The following GLOD4 variants were observed in gnomAD, a reference collection of about 807,000 sequenced individuals.
GLOD4 encodes the protein glyoxalase domain-containing protein 4.
In GLOD4, 44 loss-of-function variants were observed where a neutral mutation model predicts 39.1. That is an observed-to-expected ratio of 1.13 (90% CI 0.88 to 1.45). GLOD4 has a LOEUF of 1.45. Ranked by LOEUF, GLOD4 falls within the 40% of genes most tolerant of loss-of-function variation. The pLI is 0.00. For synonymous variants in GLOD4, 145 were observed against 135.0 expected, an observed-to-expected ratio of 1.07 and a Z score of -0.52; for missense variants, 405 against 366.4, an observed-to-expected ratio of 1.11 and a Z score of -0.86.
intron 1 of GLOD4, 140 bp from the exon 2 acceptor site, chr17:778,884 A>G: frequency 1.6e-6 from 1 of 606,652 alleles, no homozygotes; most frequent in Non-Finnish European, 2.9e-6. Flanking sequence ...TGAGCTTTAC[A>G]CTTCTCCCAG....
intron 3 of GLOD4, among the ~76,000 whole-genome samples, chr17:776,604 C>T (rs756404518): frequency 3.3e-5 from 5 of 152,210 alleles, no homozygotes; most frequent in Non-Finnish European, 7.3e-5. Flanking sequence ...TCTTACCACG[C>T]TCCCCTCTCG....
At chr17:771,989 G>C (rs1181217028) in intron 4 of GLOD4, among the ~76,000 whole-genome samples, 1 of 145,502 alleles carries the variant, frequency 6.9e-6, no homozygotes, top group Non-Finnish European at 1.5e-5. Context: ...CTCTAGCCTG[G>C]GAGACAAGAG....
chr17:783,429 C>T (rs1910338514), upstream of GLOD4: 2 of 1,200,456 alleles, frequency 1.7e-6, no homozygotes, highest in South Asian at 1.6e-5. Flanking sequence ...CTCCGCCTCT[C>T]GGGTTCAAGG....
At chr17:779,754 G>A (rs1285613189) in intron 1 of GLOD4, among the ~76,000 whole-genome samples, 1 of 152,164 alleles carries the variant, frequency 6.6e-6, no homozygotes, top group African/African-American at 2.4e-5. Flanking sequence ...TGTTATGAAA[G>A]CATCTCACAG....
chr17:782,658 T>A, upstream of GLOD4: 11 of 1,612,274 alleles, frequency 6.8e-6, no homozygotes, highest in Non-Finnish European at 9.3e-6. Flanking sequence ...TGGGCTTCGC[T>A]ACGATAAAGC....
At chr17:760,389 T>TA (rs1325438450) in intron 8 of GLOD4, 151 bp from the exon 9 acceptor site, 3 of 590,996 alleles carry the variant, frequency 5.1e-6, no homozygotes, top group African/African-American at 1.9e-5. Context: ...AGAAGAGAAA[T>TA]AAAAAAAATT....
chr17:766,166 C>T (rs530058854), intron 8 of GLOD4, among the ~76,000 whole-genome samples: 67 of 152,090 alleles, frequency 4.4e-4, no homozygotes, highest in African/African-American at 1.5e-3. Flanking sequence ...GGCATGGTGG[C>T]GCACGCCTAT....
upstream of GLOD4, chr17:783,380 A>G: frequency 6.6e-7 from 1 of 1,512,530 alleles, no homozygotes; most frequent in Non-Finnish European, 8.9e-7. Flanking sequence ...TCTGTCACCC[A>G]GGCTGGAGTG....
At chr17:776,772 A>G (rs1909032360) in intron 3 of GLOD4, 96 bp downstream of exon 3, 1 of 907,774 alleles carries the variant, frequency 1.1e-6, no homozygotes. Flanking sequence ...CTCAAATGTT[A>G]TCTCTTCACT....
In GLOD4 at chr17:759,909, T is replaced by C; in HGVS notation, c.*264A>G. On this transcript the variant is annotated 3_prime_UTR_variant, in exon 9 of 9. Transcript: ENST00000301329. Reference sequence around the variant, plus strand: ...CCTAGTCTGGACAATCATCTGTCACTCATCCAACACAGTTATATACAGAAT... The same window carrying C: ...CCTAGTCTGGACAATCATCTGTCACCCATCCAACACAGTTATATACAGAAT... The C allele has an allele frequency of 2.3e-6, 1 of 425,690 alleles. No homozygotes were observed. Among genetic ancestry groups the C allele is most frequent in the Non-Finnish European group, 4.2e-6 (1 of 238,594 alleles). The allele number at this position is 425,690 out of a possible 1,614,324, so 26.4% of individuals were successfully genotyped here. A position where few individuals can be genotyped will look rare whatever the true frequency, so the allele number is the denominator to read the frequency against.
intron 1 of GLOD4, among the ~76,000 whole-genome samples, chr17:778,978 C>T (rs1223954080): frequency 6.6e-6 from 1 of 152,120 alleles, no homozygotes; most frequent in African/African-American, 2.4e-5. Flanking sequence ...GATTGGTAAG[C>T]AGTGCTATGC....
chr17:783,448 T>G (rs62069961), upstream of GLOD4: 12 of 994,130 alleles, frequency 1.2e-5, no homozygotes, highest in Non-Finnish European at 1.7e-5. Context: ...GGGATTCTCT[T>G]GCCTCAGCCT....
chr17:770,864 T>C, intron 5 of GLOD4: 1 of 219,116 alleles, frequency 4.6e-6, no homozygotes, highest in East Asian at 1.1e-4. Flanking sequence ...ATGTCTCTAA[T>C]CTATAGGACA....
chr17:768,145 A>T (rs1907057736), intron 8 of GLOD4, among the ~76,000 whole-genome samples: 1 of 149,990 alleles, frequency 6.7e-6, no homozygotes, highest in South Asian at 2.1e-4. Context: ...AGATTTTTAG[A>T]AGAAATCTGG....
intron 3 of GLOD4, among the ~76,000 whole-genome samples, chr17:776,148 C>G (rs1908906957): frequency 6.6e-6 from 1 of 152,214 alleles, no homozygotes; most frequent in Non-Finnish European, 1.5e-5. Context: ...CCAGTGAAGT[C>G]TGATTCATTT....
intron 8 of GLOD4, among the ~76,000 whole-genome samples, chr17:768,039 A>G (rs867569710): frequency 0.029 from 3,156 of 107,594 alleles, no homozygotes; most frequent in Non-Finnish European, 0.046. Flanking sequence ...AGAAGAAGAA[A>G]TCTGGAGAGG....
upstream of GLOD4, chr17:783,567 C>A: frequency 2.8e-6 from 1 of 355,152 alleles, no homozygotes; most frequent in South Asian, 2.9e-5. Flanking sequence ...GAACTTGTGA[C>A]CTCAGGTGAT....
intron 1 of GLOD4, among the ~76,000 whole-genome samples, chr17:779,892 C>T (rs556867310): frequency 3.3e-5 from 5 of 151,518 alleles, no homozygotes; most frequent in East Asian, 2.0e-4. Flanking sequence ...TGGCCGGGCG[C>T]GGTGGCTCAC....
chr17:783,048 A>C (rs1910248545), upstream of GLOD4: 1 of 1,535,466 alleles, frequency 6.5e-7, no homozygotes, highest in Non-Finnish European at 8.7e-7. Context: ...GGATGTTGAT[A>C]GTTACCTGTT....
Sources: gnomAD v4.1 joint callset for allele counts (sites outside exome capture counted in the v4.1 genomes callset) on GRCh38, gnomAD v4.1.1 for gene constraint, MANE v1.5 for transcripts, NCBI Gene and HGNC (gene_info 2026-07-23, HGNC 2026-07-21) for gene names.